Variants in FBXO42 observed in about 807,000 individuals in gnomAD.
The protein encoded by FBXO42 is F-box only protein 42.
Under a neutral mutation model 71.7 loss-of-function variants are expected in FBXO42, and 12 were observed. That is an observed-to-expected ratio of 0.17 (90% CI 0.11 to 0.27). The LOEUF (loss-of-function observed/expected upper bound fraction) is 0.27. FBXO42 is among the 10% of genes least tolerant of loss of function. The pLI is 1.00. For synonymous variants in FBXO42, 325 were observed against 327.5 expected, an observed-to-expected ratio of 0.99 and a Z score of 0.08; for missense variants, 707 against 911.9, an observed-to-expected ratio of 0.78 and a Z score of 2.89.
chr1:16,333,571 T>C (rs2082523404), intron 1 of FBXO42, among the ~76,000 whole-genome samples: 1 of 151,996 alleles, frequency 6.6e-6, no homozygotes, highest in South Asian at 2.1e-4. Flanking sequence ...CCTGTGACAG[T>C]GCAAGACGAT....
chr1:16,330,465 C>CCA (rs903518554), intron 1 of FBXO42, among the ~76,000 whole-genome samples: 20 of 152,062 alleles, frequency 1.3e-4, no homozygotes, highest in African/African-American at 4.6e-4. Context: ...TATGGTCTTA[C>CCA]CACTGCACTC....
chr1:16,251,174 G>A lies in FBXO42; in HGVS notation c.1650C>T (p.Ala550=), dbSNP rs760547423. 9 of 1,614,140 alleles carry A rather than the reference G, an allele frequency of 5.6e-6. No homozygotes were observed. The highest frequency in any genetic ancestry group is 2.2e-5 in the South Asian group (2 of 91,086). Reference sequence around the variant, plus strand: ...TCCGACGCAGGGCACCTGGGGAGACGGCCCCTGCAAGGGCACTGGCCACGT... The same window carrying A: ...TCCGACGCAGGGCACCTGGGGAGACAGCCCCTGCAAGGGCACTGGCCACGT... The part of the protein sequence containing the change: ...PPHVASALAG[A]VSPGALRRSL... The change falls in exon 10 of 10, where the codon GCC becomes GCT. Residue 550 remains alanine, a synonymous_variant. Transcript: ENST00000375592. This position sits in a 1 kb window ranked among gnomAD's most constrained non-coding sequence, Gnocchi z 4.5.
At chr1:16,312,128 G>A (rs1029557370) in intron 2 of FBXO42, among the ~76,000 whole-genome samples, 3 of 152,134 alleles carry the variant, frequency 2.0e-5, no homozygotes, top group African/African-American at 7.2e-5. Flanking sequence ...GGAAGCTGAG[G>A]CAGGAAAATC....
chr1:16,291,429 G>A (rs867112096), intron 4 of FBXO42, among the ~76,000 whole-genome samples: 1 of 151,928 alleles, frequency 6.6e-6, no homozygotes, highest in Non-Finnish European at 1.5e-5. Context: ...CACCCAGGCT[G>A]GGGTGCTGTG....
At chr1:16,337,747 G>A (rs59844224) in intron 1 of FBXO42, among the ~76,000 whole-genome samples, 3,976 of 151,646 alleles carry the variant, frequency 0.026, 178 homozygotes, top group African/African-American at 0.089. Context: ...AGCTGGGCAC[G>A]GCGACAGGCA....
intron 4 of FBXO42, among the ~76,000 whole-genome samples, chr1:16,258,480 C>T (rs1381249958): frequency 6.6e-6 from 1 of 151,812 alleles, no homozygotes; most frequent in Non-Finnish European, 1.5e-5. Context: ...CTTTAACCTC[C>T]CAAATAGCTA....
At chr1:16,287,687 G>A (rs1309071352) in intron 4 of FBXO42, among the ~76,000 whole-genome samples, 2 of 152,162 alleles carry the variant, frequency 1.3e-5, no homozygotes, top group African/African-American at 2.4e-5. Flanking sequence ...CTGGCCTCAA[G>A]CCATCCTCCC....
At chr1:16,309,838 G>GT (rs2082293366) in intron 2 of FBXO42, among the ~76,000 whole-genome samples, 1 of 151,888 alleles carries the variant, frequency 6.6e-6, no homozygotes, top group Non-Finnish European at 1.5e-5. Context: ...GAAGTCAGGA[G>GT]TTTGAGACCA....
chr1:16,276,354 C>T lies in FBXO42; in HGVS notation c.502+18429G>A, dbSNP rs563324197. On this transcript the variant is annotated intron_variant, in intron 4 of 9. Transcript: ENST00000375592. ...GAGATCACACCACTGCACACCAGCCCGGGCGACAGACCGACACTCTGTCTC... is the reference window on the plus strand; with the variant it reads ...GAGATCACACCACTGCACACCAGCCTGGGCGACAGACCGACACTCTGTCTC... Among the ~76,000 whole-genome samples, 58 of 148,336 alleles carry T rather than the reference C, an allele frequency of 3.9e-4. 1 individual carries two copies. In the South Asian group the frequency reaches 0.012, roughly 30 times the overall value.
intron 1 of FBXO42, among the ~76,000 whole-genome samples, chr1:16,335,586 C>T (rs2100618576): frequency 1.3e-5 from 2 of 152,170 alleles, no homozygotes; most frequent in South Asian, 4.1e-4. Context: ...TTTGACTGGG[C>T]CAGGCACAGT....
At chr1:16,337,386 C>T (rs1331200152) in intron 1 of FBXO42, among the ~76,000 whole-genome samples, 6 of 152,060 alleles carry the variant, frequency 3.9e-5, no homozygotes, top group Non-Finnish European at 8.8e-5. Flanking sequence ...TGCCTTATCT[C>T]ATTTAATCTT....
At position 16,303,919 on chromosome 1, in the gene FBXO42, A is replaced by G. The variant is rs185053198; in HGVS notation, c.367+1884T>C. ...CGCCACCATGCCCGGGTAATTTTTTATATATATATTTTTTTAAGAGACGGG... is the reference window on the plus strand; with the variant it reads ...CGCCACCATGCCCGGGTAATTTTTTGTATATATATTTTTTTAAGAGACGGG... On this transcript the variant is annotated intron_variant, in intron 3 of 9. Transcript: ENST00000375592. Among the ~76,000 whole-genome samples, 4 of 151,182 alleles carry G rather than the reference A, an allele frequency of 2.6e-5. No homozygotes were observed. In the East Asian group the frequency reaches 7.8e-4, roughly 30 times the overall value.
chr1:16,298,423 C>CT (rs565105964), intron 3 of FBXO42, among the ~76,000 whole-genome samples: 1 of 152,196 alleles, frequency 6.6e-6, no homozygotes, highest in Non-Finnish European at 1.5e-5. Flanking sequence ...AATGAGCCAA[C>CT]TGGTACCAGG....
chr1:16,328,168 T>C (rs2082466267), intron 1 of FBXO42, among the ~76,000 whole-genome samples: 1 of 152,090 alleles, frequency 6.6e-6, no homozygotes, highest in African/African-American at 2.4e-5. Context: ...ATTTAATACA[T>C]GTAAATTTTT....
intron 4 of FBXO42, among the ~76,000 whole-genome samples, chr1:16,283,043 G>A (rs1432742188): frequency 2.0e-5 from 3 of 151,924 alleles, no homozygotes; most frequent in Non-Finnish European, 4.4e-5. Flanking sequence ...AGGTGAGTCT[G>A]CTATGGGGCC....
chr1:16,304,195 C>T (rs1305849537), intron 3 of FBXO42, among the ~76,000 whole-genome samples: 4 of 150,502 alleles, frequency 2.7e-5, no homozygotes, highest in Non-Finnish European at 1.5e-5. Flanking sequence ...CGGCTCACTG[C>T]AACCTCCGCC....
At position 16,350,743 on chromosome 1, in the gene FBXO42, CAAAAA is replaced by C. The variant is rs143818159; in HGVS notation, c.-18+1507_-18+1511del. Among the ~76,000 whole-genome samples the C allele has an allele frequency of 6.8e-4, 45 of 65,768 alleles. 1 individual carries two copies. The highest frequency in any genetic ancestry group is 9.3e-4 in the Non-Finnish European group (34 of 36,608). 43.1% of individuals were successfully genotyped at this position (65,768 alleles called of 152,430 possible). ...GCCTGGATGACAGAGTGAGAAACTGCAAAAAAAAAAAAAAAAAGAAAGAAAGAAAG... is the reference window on the plus strand; with the variant it reads ...GCCTGGATGACAGAGTGAGAAACTGCAAAAAAAAAAAAGAAAGAAAGAAAG... On this transcript the variant is annotated intron_variant, in intron 1 of 9. Transcript: ENST00000375592.
intron 1 of FBXO42, among the ~76,000 whole-genome samples, chr1:16,329,595 A>G (rs971320300): frequency 6.6e-6 from 1 of 151,544 alleles, no homozygotes; most frequent in Admixed American, 6.6e-5. Context: ...AAATCAATCA[A>G]TCAATCAATC....
intron 4 of FBXO42, among the ~76,000 whole-genome samples, chr1:16,260,398 G>A (rs1361084671): frequency 3.3e-5 from 5 of 152,052 alleles, no homozygotes; most frequent in Admixed American, 6.6e-5. Flanking sequence ...TAGTAGAGAC[G>A]GGGTTTCACC....
Sources: allele counts gnomAD v4.1 joint callset (sites outside exome capture counted in the v4.1 genomes callset), GRCh38; gene constraint gnomAD v4.1.1; non-coding constraint Gnocchi (gnomAD v3.1); transcripts MANE v1.5; gene names NCBI Gene and HGNC (gene_info 2026-07-23, HGNC 2026-07-21).